Variants in RNF180 observed in about 807,000 individuals in gnomAD.
RNF180 encodes E3 ubiquitin-protein ligase RNF180.
In RNF180, 38 loss-of-function variants were observed where a neutral mutation model predicts 59.2. The observed-to-expected ratio is 0.64, with a 90% confidence interval of 0.50 to 0.84. The LOEUF (loss-of-function observed/expected upper bound fraction) is 0.84, where lower values mean the gene tolerates loss of function less well. Ranked by LOEUF, RNF180 falls within the 40% of genes least tolerant of loss-of-function variation. RNF180 has a pLI of 0.00. For synonymous variants in RNF180, 262 were observed against 240.3 expected (o/e 1.09, Z -0.84); for missense variants, 705 against 700.9 (o/e 1.01, Z -0.07).
chr5:64,259,183 G>T (rs777694889), intron 5 of RNF180, among the ~76,000 whole-genome samples: 1 of 152,114 alleles, frequency 6.6e-6, no homozygotes, highest in Non-Finnish European at 1.5e-5. Flanking sequence ...TCATAAGAAG[G>T]CTGTATAAGT....
intron 7 of RNF180, among the ~76,000 whole-genome samples, chr5:64,363,589 T>G (rs189473641): frequency 1.6e-3 from 241 of 152,058 alleles, no homozygotes; most frequent in Non-Finnish European, 2.7e-3. Flanking sequence ...TGGTTCCATA[T>G]GAACTTTAAA....
At chr5:64,175,200 C>T (rs892720016) in intron 1 of RNF180, among the ~76,000 whole-genome samples, 10 of 152,066 alleles carry the variant, frequency 6.6e-5, no homozygotes, top group African/African-American at 2.4e-4. Context: ...CTCCCAACTT[C>T]GGGTGATATG....
chr5:64,259,131 C>A (rs1303250531), intron 5 of RNF180, among the ~76,000 whole-genome samples: 1 of 152,092 alleles, frequency 6.6e-6, no homozygotes, highest in East Asian at 1.9e-4. Flanking sequence ...ATACTAACCA[C>A]CTCCTTTCTC....
chr5:64,246,645 G>C (rs752362971), intron 5 of RNF180, among the ~76,000 whole-genome samples: 1 of 152,140 alleles, frequency 6.6e-6, no homozygotes, highest in East Asian at 1.9e-4. Context: ...AAAAAGCCCA[G>C]GACCAGATGG....
At chr5:64,242,059 CCTCAGTGGCAGGCAGCT>C (rs1381525091) in intron 5 of RNF180, among the ~76,000 whole-genome samples, 6 of 152,188 alleles carry the variant, frequency 3.9e-5, no homozygotes, top group Non-Finnish European at 7.3e-5. Context: ...TCCAGAAAGC[CCTCAGTGGCAGGCAGCT>C]CTCAGAGGCC....
At chr5:64,279,051 G>A (rs777542733) in intron 5 of RNF180, among the ~76,000 whole-genome samples, 5 of 152,162 alleles carry the variant, frequency 3.3e-5, no homozygotes, top group Non-Finnish European at 5.9e-5. Flanking sequence ...GACTACTCAA[G>A]GAGAATGTAT....
intron 5 of RNF180, 48 bp downstream of exon 5, chr5:64,217,444 A>G (rs1752691558): frequency 7.4e-7 from 1 of 1,358,576 alleles, no homozygotes; most frequent in Non-Finnish European, 9.5e-7. Flanking sequence ...TGTTTTCCAG[A>G]ATGGCTGTAC....
At chr5:64,305,438 A>G (rs758361990) in intron 5 of RNF180, among the ~76,000 whole-genome samples, 1 of 150,976 alleles carries the variant, frequency 6.6e-6, no homozygotes, top group African/African-American at 2.4e-5. Context: ...TTGTTGTACC[A>G]TATTAAATGC....
intron 5 of RNF180, among the ~76,000 whole-genome samples, chr5:64,269,894 G>A (rs989196327): frequency 2.0e-5 from 3 of 151,984 alleles, no homozygotes; most frequent in Non-Finnish European, 4.4e-5. Flanking sequence ...CAATTTTCAG[G>A]CACTCACTAC....
intron 5 of RNF180, among the ~76,000 whole-genome samples, chr5:64,309,596 GTTTGT>G (rs1391553721): frequency 2.0e-5 from 3 of 151,226 alleles, no homozygotes; most frequent in African/African-American, 7.3e-5. Context: ...ATTGTGGTGT[GTTTGT>G]TTTAATTATT....
chr5:64,361,091 A>C (rs1746237710), intron 7 of RNF180, among the ~76,000 whole-genome samples: 1 of 151,476 alleles, frequency 6.6e-6, no homozygotes, highest in East Asian at 2.0e-4. Flanking sequence ...GCAGGCACAC[A>C]TTGATCCATG....
intron 1 of RNF180, among the ~76,000 whole-genome samples, chr5:64,174,423 A>G (rs1750116574): frequency 6.6e-6 from 1 of 152,214 alleles, no homozygotes. Flanking sequence ...ATTCCCACCA[A>G]CAGTATGTAA....
At chr5:64,189,947 A>G (rs1224470666) in intron 1 of RNF180, among the ~76,000 whole-genome samples, 1 of 152,186 alleles carries the variant, frequency 6.6e-6, no homozygotes, top group African/African-American at 2.4e-5. Context: ...TCCTTCAACA[A>G]AAGATAAGGA....
intron 7 of RNF180, among the ~76,000 whole-genome samples, chr5:64,347,830 CAAAAAT>C (rs560302381): frequency 1.4e-3 from 209 of 152,178 alleles, no homozygotes; most frequent in African/African-American, 4.7e-3. Flanking sequence ...GTTATTCACT[CAAAAAT>C]AAAGTGTTGC....
rs1392381786 is a variant in RNF180, at chr5:64,213,624, G to T, written c.298G>T (p.Val100Phe). Residue 100 changes from valine to phenylalanine, a missense_variant, in exon 4 of 8, where the codon GTC becomes TTC. Physicochemically the swap from Val to Phe is conservative, Grantham distance 50. Transcript: ENST00000389100. ...CGARLGGFNF[V>F]STPKCSCGQL... ...GGCCCGTTTAGGGGGCTTTAATTTT[G>T]TCAGCACTCCAAAATGTTCCTGTGG... The T allele has an allele frequency of 1.2e-6, 2 of 1,614,002 alleles. No individual in the cohort carries two copies. The highest frequency in any genetic ancestry group is 2.7e-5 in the African/African-American group (2 of 74,922).
intron 5 of RNF180, among the ~76,000 whole-genome samples, chr5:64,302,833 C>T (rs1743227326): frequency 6.6e-6 from 1 of 151,530 alleles, no homozygotes; most frequent in African/African-American, 2.4e-5. Flanking sequence ...TGTTGAGTGC[C>T]ACTTTTAATT....
intron 5 of RNF180, among the ~76,000 whole-genome samples, chr5:64,317,448 G>C (rs560310905): frequency 6.6e-6 from 1 of 151,768 alleles, no homozygotes; most frequent in Middle Eastern, 3.5e-3. Flanking sequence ...TTTGTCACAG[G>C]GTTGCTACAA....
chr5:64,262,359 A>G (rs1381757101), intron 5 of RNF180, among the ~76,000 whole-genome samples: 2 of 152,182 alleles, frequency 1.3e-5, no homozygotes, highest in Admixed American at 6.6e-5. Context: ...TGTGTCATCT[A>G]TGCACTGGGC....
intron 2 of RNF180, among the ~76,000 whole-genome samples, chr5:64,206,476 C>G (rs978018957): frequency 6.6e-6 from 1 of 152,138 alleles, no homozygotes; most frequent in Non-Finnish European, 1.5e-5. Flanking sequence ...TATTTTCTCT[C>G]TGGCTTTATT....
Sources: gnomAD v4.1 joint callset for allele counts (sites outside exome capture counted in the v4.1 genomes callset) on GRCh38, gnomAD v4.1.1 for gene constraint, MANE v1.5 for transcripts, NCBI Gene and HGNC (gene_info 2026-07-23, HGNC 2026-07-21) for gene names.